OPCML: variants seen among roughly 807,000 people sequenced by gnomAD.
OPCML encodes the protein opioid-binding protein/cell adhesion molecule.
A neutral mutation model predicts 37.8 loss-of-function variants in OPCML; 13 were observed. The observed-to-expected ratio is 0.34, with a 90% CI of 0.22 to 0.55. The LOEUF is 0.55. Among genes scored for constraint, OPCML ranks in the 20% least tolerant of loss-of-function variants. The probability of loss-of-function intolerance (pLI) is 0.91; values close to 1 mark genes in which losing one functional copy is unlikely to be tolerated. For missense variants in OPCML, 341 were observed against 435.6 expected (o/e 0.78, Z 1.93); for synonymous variants, 176 against 168.8 (o/e 1.04, Z -0.33).
At chr11:133,358,991 A>C (rs1414064999) in intron 1 of OPCML, among the ~76,000 whole-genome samples, 1 of 150,098 alleles carries the variant, frequency 6.7e-6, no homozygotes, top group Non-Finnish European at 1.5e-5. Flanking sequence ...ATGAGGGATG[A>C]TTTGGGGGAG....
intron 4 of OPCML, among the ~76,000 whole-genome samples, chr11:132,459,381 A>G (rs1429410237): frequency 3.3e-5 from 5 of 149,344 alleles, no homozygotes; most frequent in Admixed American, 2.0e-4. Context: ...ACATGAGCCA[A>G]TTCCTTTCTC....
intron 3 of OPCML, among the ~76,000 whole-genome samples, chr11:132,563,771 C>T (rs927334451): frequency 6.6e-6 from 1 of 151,490 alleles, no homozygotes; most frequent in African/African-American, 2.4e-5. Context: ...TTATTGTCCA[C>T]TTTTACGTTA....
intron 1 of OPCML, among the ~76,000 whole-genome samples, chr11:133,437,771 A>G (rs1196452880): frequency 6.6e-6 from 1 of 151,180 alleles, no homozygotes; most frequent in Non-Finnish European, 1.5e-5. Flanking sequence ...AAAATAACAG[A>G]TTACTTACAA....
intron 1 of OPCML, among the ~76,000 whole-genome samples, chr11:133,371,113 A>G (rs1283474966): frequency 6.6e-6 from 1 of 152,168 alleles, no homozygotes; most frequent in Admixed American, 6.5e-5. Context: ...CAACCACAAT[A>G]AGATATTACC....
At chr11:133,017,239 C>G (rs545952361) in intron 1 of OPCML, among the ~76,000 whole-genome samples, 1 of 152,242 alleles carries the variant, frequency 6.6e-6, no homozygotes, top group South Asian at 2.1e-4. Flanking sequence ...AACTTAATCA[C>G]CTCCCAAAGG....
At chr11:132,638,473 C>T (rs781316718) in intron 3 of OPCML, among the ~76,000 whole-genome samples, 3 of 152,064 alleles carry the variant, frequency 2.0e-5, no homozygotes, top group African/African-American at 4.8e-5. Context: ...AACTAATCAA[C>T]GTCCACAAAG....
intron 1 of OPCML, among the ~76,000 whole-genome samples, chr11:133,049,184 A>G (rs1948081681): frequency 6.6e-6 from 1 of 152,190 alleles, no homozygotes; most frequent in African/African-American, 2.4e-5. Context: ...TGATTTTCAG[A>G]TTTCCAAGAC....
intron 2 of OPCML, among the ~76,000 whole-genome samples, chr11:132,853,399 G>A (rs1318015537): frequency 6.6e-6 from 1 of 152,096 alleles, no homozygotes; most frequent in African/African-American, 2.4e-5. Context: ...TTTTTACTGT[G>A]TGATTTTACA....
At chr11:133,002,777 G>C (rs1947031460) in intron 1 of OPCML, among the ~76,000 whole-genome samples, 2 of 42,156 alleles carry the variant, frequency 4.7e-5, no homozygotes, top group East Asian at 8.6e-4. Context: ...AAAGGAAAGA[G>C]AGGGGGGGGT....
chr11:133,045,330 T>A (rs1217141718), intron 1 of OPCML, among the ~76,000 whole-genome samples: 1 of 152,182 alleles, frequency 6.6e-6, no homozygotes, highest in Non-Finnish European at 1.5e-5. Context: ...TCCTCTATGG[T>A]CTTCGCTAGC....
chr11:132,675,405 TC>T (rs1942660086), intron 2 of OPCML, among the ~76,000 whole-genome samples: 1 of 151,986 alleles, frequency 6.6e-6, no homozygotes, highest in Admixed American at 6.6e-5. Flanking sequence ...CACAAACATT[TC>T]TATTCAAAAT....
chr11:133,056,949 T>G (rs1405183606), intron 1 of OPCML, among the ~76,000 whole-genome samples: 1 of 152,198 alleles, frequency 6.6e-6, no homozygotes, highest in African/African-American at 2.4e-5. Context: ...GTTCAAGTGA[T>G]TCTCCTGCCT....
chr11:133,394,824 G>A (rs1253221720), intron 1 of OPCML, among the ~76,000 whole-genome samples: 1 of 152,188 alleles, frequency 6.6e-6, no homozygotes, highest in Admixed American at 6.5e-5. Flanking sequence ...GAACAGTGCT[G>A]CAACAAACAT....
At chr11:133,447,494 G>A (rs933988119) in intron 1 of OPCML, among the ~76,000 whole-genome samples, 1 of 152,182 alleles carries the variant, frequency 6.6e-6, no homozygotes, top group Non-Finnish European at 1.5e-5. Context: ...GTACCCAATA[G>A]TTCATTTTCA....
At chr11:133,396,004 C>T (rs1412961997) in intron 1 of OPCML, among the ~76,000 whole-genome samples, 1 of 152,124 alleles carries the variant, frequency 6.6e-6, no homozygotes, top group Non-Finnish European at 1.5e-5. Flanking sequence ...ATTGATTCTT[C>T]CAGCCTATGA....
intron 1 of OPCML, among the ~76,000 whole-genome samples, chr11:133,167,026 A>G (rs756312041): frequency 6.6e-6 from 1 of 152,190 alleles, no homozygotes; most frequent in Non-Finnish European, 1.5e-5. Flanking sequence ...ATGAAATATC[A>G]GTGCCTAGAA....
At chr11:133,237,288 C>T (rs1228289520) in intron 1 of OPCML, among the ~76,000 whole-genome samples, 1 of 152,170 alleles carries the variant, frequency 6.6e-6, no homozygotes. Flanking sequence ...GGGGTGGAGC[C>T]CACATGCCCC....
intron 2 of OPCML, among the ~76,000 whole-genome samples, chr11:132,660,870 G>A (rs769878724): frequency 8.1e-4 from 123 of 152,146 alleles, no homozygotes; most frequent in Admixed American, 1.7e-3. Context: ...AGTGGGAGCT[G>A]TCAGAAGGGA....
At chr11:133,415,577 C>T (rs1481382045) in intron 1 of OPCML, among the ~76,000 whole-genome samples, 3 of 152,058 alleles carry the variant, frequency 2.0e-5, no homozygotes, top group East Asian at 1.9e-4. Context: ...GAAGAAGGCC[C>T]CCATCCATGA....
Sources: gnomAD v4.1 joint callset for allele counts (sites outside exome capture counted in the v4.1 genomes callset) on GRCh38, gnomAD v4.1.1 for gene constraint, MANE v1.5 for transcripts, NCBI Gene and HGNC (gene_info 2026-07-23, HGNC 2026-07-21) for gene names.